Variants in KLF12 observed in about 807,000 individuals in gnomAD.
KLF12 encodes the protein Krueppel-like factor 12.
Under a neutral mutation model 37.8 loss-of-function variants are expected in KLF12, and 9 were observed. The ratio of observed to expected loss-of-function variants is 0.24; its 90% CI spans 0.14 to 0.42. The LOEUF is 0.42. KLF12 is among the 10% of genes least tolerant of loss of function. The probability of loss-of-function intolerance (pLI) is 1.00; values close to 1 mark genes in which losing one functional copy is unlikely to be tolerated. For missense variants in KLF12, 411 were observed against 516.0 expected (o/e 0.80, Z 1.97); for synonymous variants, 208 against 202.1 (o/e 1.03, Z -0.25).
intron 1 of KLF12, among the ~76,000 whole-genome samples, chr13:74,010,171 G>A (rs1026914534): frequency 6.6e-6 from 1 of 151,998 alleles, no homozygotes; most frequent in Non-Finnish European, 1.5e-5. Context: ...TCAAACTCCT[G>A]ACCTCAGGTG....
At chr13:73,698,603 T>C (rs770425713) in intron 7 of KLF12, among the ~76,000 whole-genome samples, 1 of 152,238 alleles carries the variant, frequency 6.6e-6, no homozygotes, top group Non-Finnish European at 1.5e-5. Flanking sequence ...AAGAGGAATA[T>C]TTTATGCATA....
chr13:74,015,318 G>T (rs1892659971), intron 1 of KLF12, among the ~76,000 whole-genome samples: 1 of 152,078 alleles, frequency 6.6e-6, no homozygotes, highest in African/African-American at 2.4e-5. Context: ...GGTACCATAA[G>T]GCTCACTGAA....
At position 73,960,273 on chromosome 13, in the gene KLF12, A is replaced by G. The variant is rs554889368; in HGVS notation, c.34-16203T>C. On this transcript the variant is annotated intron_variant, in intron 2 of 7. Coordinates refer to ENST00000377669, the MANE Select transcript of KLF12 (RefSeq NM_007249.5). Reference sequence around the variant, plus strand: ...GAAGTGAAAAAAACAGTATGTTCCTATAACTTTAAAAATAATGCATATGAG... The same window carrying G: ...GAAGTGAAAAAAACAGTATGTTCCTGTAACTTTAAAAATAATGCATATGAG... 103 of 219,968 alleles carry G rather than the reference A, an allele frequency of 4.7e-4. No homozygotes were observed. The South Asian group carries it at 4.9e-3, about 11-fold the overall frequency. The allele number at this position is 219,968 out of a possible 1,614,324, so 13.6% of individuals were successfully genotyped here.
chr13:74,295,778 G>A, the KLF12 span, among the ~76,000 whole-genome samples: 12 of 152,010 alleles, frequency 7.9e-5, no homozygotes, highest in African/African-American at 2.9e-4. Flanking sequence ...TAGTGGTTTA[G>A]AGTACTGATC....
At chr13:73,736,716 C>A (rs1251337364) in intron 6 of KLF12, among the ~76,000 whole-genome samples, 1 of 152,130 alleles carries the variant, frequency 6.6e-6, no homozygotes, top group African/African-American at 2.4e-5. Flanking sequence ...TGCTTCCATG[C>A]AGGGTTAATG....
At chr13:73,879,040 G>A (rs1886852339) in intron 3 of KLF12, among the ~76,000 whole-genome samples, 1 of 152,090 alleles carries the variant, frequency 6.6e-6, no homozygotes, top group Admixed American at 6.5e-5. Context: ...CTGTGATGGG[G>A]ATAACAGACT....
rs1051075935 is a variant in KLF12 at position 73,690,806 on chromosome 13, A to G, written c.*4684T>C. The stretch of plus-strand genomic sequence containing the variant: ...ACCTCTGTAAAATTTGTGAGTTTGA[A>G]AATACTTTTTCCACTATCACATATG... On this transcript the variant is annotated 3_prime_UTR_variant, in exon 8 of 8. Transcript: ENST00000377669. 4 of 152,634 alleles carry G rather than the reference A, an allele frequency of 2.6e-5. No individual in the cohort carries two copies. The highest frequency in any genetic ancestry group is 4.4e-5 in the Non-Finnish European group (3 of 68,030). The allele number at this position is 152,634 out of a possible 1,614,324, so 9.5% of individuals were successfully genotyped here.
At chr13:73,874,739 A>C (rs1277407798) in intron 3 of KLF12, among the ~76,000 whole-genome samples, 2 of 152,206 alleles carry the variant, frequency 1.3e-5, no homozygotes, top group Non-Finnish European at 2.9e-5. Flanking sequence ...TGAAACTAAG[A>C]AACATGGGCC....
rs930512112 is a variant in KLF12, at chr13:73,916,207, T to A, written c.123+27774A>T. ...CTCCAACTTGGGGAAGAGCTAATAC[T>A]TACACACACACACACACACACACAC... On this transcript the variant is annotated intron_variant, in intron 3 of 7. Coordinates refer to ENST00000377669, the MANE Select transcript of KLF12 (RefSeq NM_007249.5). Among the ~76,000 whole-genome samples the A allele has an allele frequency of 4.0e-3, 315 of 77,878 alleles. 1 individual carries two copies. The highest frequency in any genetic ancestry group is 0.015 in the African/African-American group (276 of 18,992). The allele number at this position is 77,878 out of a possible 152,430, so 51.1% of individuals were successfully genotyped here.
chr13:74,304,030 C>G, the KLF12 span, among the ~76,000 whole-genome samples: 2 of 152,176 alleles, frequency 1.3e-5, no homozygotes, highest in South Asian at 2.1e-4. Flanking sequence ...TAGGCCTTTC[C>G]GAGGGCCCAC....
At chr13:74,023,280 G>A (rs530862790) in intron 1 of KLF12, among the ~76,000 whole-genome samples, 2 of 152,200 alleles carry the variant, frequency 1.3e-5, no homozygotes, top group African/African-American at 2.4e-5. Flanking sequence ...TTTCGAGAAC[G>A]TTAAAAATTA....
At chr13:73,853,418 G>A (rs1014123357) in intron 3 of KLF12, among the ~76,000 whole-genome samples, 4 of 152,152 alleles carry the variant, frequency 2.6e-5, no homozygotes, top group Non-Finnish European at 4.4e-5. Flanking sequence ...TGAGTGAGGA[G>A]GAGACAGGGA....
intron 4 of KLF12, among the ~76,000 whole-genome samples, chr13:73,840,299 A>G (rs1489370828): frequency 6.6e-6 from 1 of 151,874 alleles, no homozygotes; most frequent in African/African-American, 2.4e-5. Flanking sequence ...TAACCTCACA[A>G]TGCTCAGGTG....
At chr13:74,187,710 C>T in the KLF12 span, among the ~76,000 whole-genome samples, 1,682 of 152,212 alleles carry the variant, frequency 0.011, 37 homozygotes, top group African/African-American at 0.037. Flanking sequence ...GGTTGTATAA[C>T]ATTTTCCTGC....
chr13:74,194,274 G>A, the KLF12 span, among the ~76,000 whole-genome samples: 1 of 152,316 alleles, frequency 6.6e-6, no homozygotes, highest in South Asian at 2.1e-4. Flanking sequence ...GAGCAGAAAT[G>A]TTATTGAAGA....
the KLF12 span, among the ~76,000 whole-genome samples, chr13:74,209,877 C>A: frequency 2.6e-5 from 4 of 151,958 alleles, no homozygotes; most frequent in Non-Finnish European, 5.9e-5. Flanking sequence ...ATAATGAAAC[C>A]AGAAGAAAAG....
intron 1 of KLF12, among the ~76,000 whole-genome samples, chr13:74,078,512 TTAAA>T (rs1262451575): frequency 6.6e-6 from 1 of 152,246 alleles, no homozygotes. Context: ...TGTTACTTAA[TTAAA>T]TATTTGACTG....
At chr13:74,057,452 G>A (rs1370269040) in intron 1 of KLF12, among the ~76,000 whole-genome samples, 2 of 152,188 alleles carry the variant, frequency 1.3e-5, no homozygotes, top group African/African-American at 4.8e-5. Flanking sequence ...ACTCTGAGAA[G>A]ACAAAAGCAA....
At chr13:73,899,014 G>A (rs945105127) in intron 3 of KLF12, among the ~76,000 whole-genome samples, 5 of 152,178 alleles carry the variant, frequency 3.3e-5, no homozygotes, top group South Asian at 2.1e-4. Context: ...GTGTGATTCT[G>A]GTGGCAACAG....
Sources: allele counts gnomAD v4.1 joint callset (sites outside exome capture counted in the v4.1 genomes callset), GRCh38; gene constraint gnomAD v4.1.1; transcripts MANE v1.5; gene names NCBI Gene and HGNC (gene_info 2026-07-23, HGNC 2026-07-21).